Variants in LCLAT1 observed in about 807,000 individuals in gnomAD.
The protein encoded by LCLAT1 is 1-AGP acyltransferase 8.
Under a neutral mutation model 30.7 loss-of-function variants are expected in LCLAT1, and 11 were observed. The observed-to-expected ratio is 0.36, with a 90% CI of 0.23 to 0.59. LCLAT1 has a LOEUF of 0.59. Ranked by LOEUF, LCLAT1 falls within the 20% of genes least tolerant of loss-of-function variation. LCLAT1 has a pLI of 0.77. For synonymous variants in LCLAT1, 155 were observed against 151.3 expected, an observed-to-expected ratio of 1.02 and a Z score of -0.18; for missense variants, 402 against 458.6, an observed-to-expected ratio of 0.88 and a Z score of 1.13.
chr2:30,565,954 A>G (rs1665465514), intron 4 of LCLAT1, among the ~76,000 whole-genome samples: 1 of 152,180 alleles, frequency 6.6e-6, no homozygotes. Context: ...AACTGCACCG[A>G]TCCTGAGGTG....
At chr2:30,565,483 A>T (rs944285003) in intron 4 of LCLAT1, among the ~76,000 whole-genome samples, 25 of 152,192 alleles carry the variant, frequency 1.6e-4, no homozygotes, top group African/African-American at 5.8e-4. Context: ...ATTTGATGAG[A>T]TACCTGAGTA....
At chr2:30,475,543 A>C (rs1391741913) in intron 1 of LCLAT1, among the ~76,000 whole-genome samples, 1 of 152,208 alleles carries the variant, frequency 6.6e-6, no homozygotes, top group African/African-American at 2.4e-5. Flanking sequence ...TGCAGTTATT[A>C]TGATTTTTGA....
chr2:30,495,739 G>C (rs1684077375), intron 1 of LCLAT1, among the ~76,000 whole-genome samples: 1 of 152,130 alleles, frequency 6.6e-6, no homozygotes, highest in African/African-American at 2.4e-5. Context: ...GTGGTTGTTA[G>C]TAGAGTGTGA....
chr2:30,508,077 C>T (rs1684756419), intron 1 of LCLAT1, among the ~76,000 whole-genome samples: 1 of 152,068 alleles, frequency 6.6e-6, no homozygotes, highest in South Asian at 2.1e-4. Flanking sequence ...GCTCGTTGGC[C>T]ACATGTATGT....
chr2:30,627,101 A>G (rs1668546827), intron 5 of LCLAT1, among the ~76,000 whole-genome samples: 1 of 152,310 alleles, frequency 6.6e-6, no homozygotes, highest in Middle Eastern at 3.4e-3. Flanking sequence ...CACCCATCCA[A>G]ACCCAAAGAA....
intron 1 of LCLAT1, among the ~76,000 whole-genome samples, chr2:30,500,516 A>G (rs1287208622): frequency 6.6e-6 from 1 of 152,186 alleles, no homozygotes; most frequent in East Asian, 1.9e-4. Context: ...TTATTTTTCT[A>G]AAGCAATAAT....
At chr2:30,496,080 G>C (rs961118987) in intron 1 of LCLAT1, among the ~76,000 whole-genome samples, 1 of 152,104 alleles carries the variant, frequency 6.6e-6, no homozygotes, top group Non-Finnish European at 1.5e-5. Flanking sequence ...AAGCTGGATT[G>C]CCTTACATGG....
intron 5 of LCLAT1, among the ~76,000 whole-genome samples, chr2:30,629,009 G>C (rs1668641534): frequency 1.3e-5 from 2 of 152,092 alleles, no homozygotes; most frequent in East Asian, 3.9e-4. Flanking sequence ...ATAAAGAAGG[G>C]ACTTTGCAAA....
At chr2:30,502,762 C>T (rs1019379976) in intron 1 of LCLAT1, among the ~76,000 whole-genome samples, 25 of 151,964 alleles carry the variant, frequency 1.6e-4, no homozygotes, top group African/African-American at 5.3e-4. Context: ...TTTGTTTATC[C>T]GTTCAACAAG....
At chr2:30,626,568 G>T (rs1369342881) in intron 5 of LCLAT1, among the ~76,000 whole-genome samples, 2 of 152,052 alleles carry the variant, frequency 1.3e-5, no homozygotes, top group Non-Finnish European at 2.9e-5. Flanking sequence ...CAGATCCATA[G>T]GGTTTAAGTA....
chr2:30,583,433 C>T (rs13388031), intron 5 of LCLAT1, among the ~76,000 whole-genome samples: 19,206 of 152,188 alleles, frequency 0.13, 1,342 homozygotes, highest in South Asian at 0.23. Flanking sequence ...TTACCCAAGG[C>T]CTAAAAAGCA....
intron 1 of LCLAT1, among the ~76,000 whole-genome samples, chr2:30,473,318 T>G (rs1682890044): frequency 6.6e-6 from 1 of 152,146 alleles, no homozygotes. Context: ...GTATGCTTCT[T>G]ATAGTAAAAG....
intron 1 of LCLAT1, among the ~76,000 whole-genome samples, chr2:30,507,326 T>G (rs947659882): frequency 6.6e-6 from 1 of 152,010 alleles, no homozygotes; most frequent in Admixed American, 6.5e-5. Flanking sequence ...AAATTTTTTA[T>G]TAAATATTTT....
At chr2:30,537,334 T>C (rs1686296627) in intron 3 of LCLAT1, among the ~76,000 whole-genome samples, 2 of 151,446 alleles carry the variant, frequency 1.3e-5, no homozygotes, top group African/African-American at 4.9e-5. Flanking sequence ...TGAGCCGAGA[T>C]TGCGCCACTG....
At chr2:30,516,536 T>C (rs1009135896) in intron 1 of LCLAT1, among the ~76,000 whole-genome samples, 1 of 152,206 alleles carries the variant, frequency 6.6e-6, no homozygotes. Context: ...GGTTCTGTTC[T>C]GTGACCCACG....
intron 5 of LCLAT1, among the ~76,000 whole-genome samples, chr2:30,612,780 ATTC>A (rs1444950843): frequency 6.6e-6 from 1 of 152,164 alleles, no homozygotes; most frequent in Non-Finnish European, 1.5e-5. Context: ...GGAAGGCTCT[ATTC>A]TTAGGCTCTC....
At position 30,586,032 on chromosome 2, in the gene LCLAT1, G is replaced by A. The variant is rs193263069; in HGVS notation, c.628+17856G>A. 1.4e-3 allele frequency among the ~76,000 whole-genome samples: 212 copies of A among 152,090 alleles called. 3 individuals are homozygous for A. The highest frequency in any genetic ancestry group is 4.7e-4 in the Non-Finnish European group (32 of 67,970). On this transcript the variant is annotated intron_variant, in intron 5 of 5. Transcript: ENST00000379509. ...CTGAGGCAGGCAGATCACGAGGTCC[G>A]GAGATCGAGACCATCCTGGCTAACA...
intron 3 of LCLAT1, among the ~76,000 whole-genome samples, chr2:30,537,820 G>T (rs147444012): frequency 3.3e-5 from 5 of 152,120 alleles, no homozygotes; most frequent in African/African-American, 1.2e-4. Flanking sequence ...AGGACAGATC[G>T]TGTGTTAGGC....
chr2:30,600,476 A>G (rs546444195), intron 5 of LCLAT1, among the ~76,000 whole-genome samples: 210 of 152,322 alleles, frequency 1.4e-3, no homozygotes, highest in African/African-American at 4.9e-3. Flanking sequence ...AAGAGCAAAC[A>G]AACTCCAAAG....
Sources: allele counts gnomAD v4.1 joint callset (sites outside exome capture counted in the v4.1 genomes callset), GRCh38; gene constraint gnomAD v4.1.1; transcripts MANE v1.5; gene names NCBI Gene and HGNC (gene_info 2026-07-23, HGNC 2026-07-21).